Variants in RANBP2 observed in about 807,000 individuals in gnomAD.
RANBP2 encodes E3 SUMO-protein ligase RanBP2.
In RANBP2, 57 loss-of-function variants were observed where a neutral mutation model predicts 303.6. That is an observed-to-expected ratio of 0.19 (90% CI 0.15 to 0.23). The LOEUF (loss-of-function observed/expected upper bound fraction) is 0.23, where lower values mean the gene tolerates loss of function less well. Among genes scored for constraint, RANBP2 ranks in the 10% least tolerant of loss-of-function variants. RANBP2 has a pLI of 1.00. For synonymous variants in RANBP2, 1,167 were observed against 1,301.5 expected (o/e 0.90, Z 2.23); for missense variants, 3,138 against 3,780.8 (o/e 0.83, Z 4.46).
chr2:109,319,031 G>A, the RANBP2 span, among the ~76,000 whole-genome samples: 1,274 of 152,332 alleles, frequency 8.4e-3, 15 homozygotes, highest in East Asian at 0.044. Context: ...TGGGAAAGGA[G>A]TGGCTCTCCA....
the RANBP2 span, among the ~76,000 whole-genome samples, chr2:109,647,071 A>G: frequency 6.6e-6 from 1 of 150,482 alleles, no homozygotes; most frequent in Non-Finnish European, 1.5e-5. Flanking sequence ...TCCACAGGGC[A>G]GGGTGCTGGG....
At chr2:109,799,189 A>T in the RANBP2 span, among the ~76,000 whole-genome samples, 1 of 93,482 alleles carries the variant, frequency 1.1e-5, no homozygotes, top group Non-Finnish European at 2.0e-5. Flanking sequence ...CAGTGAGCTG[A>T]GATCGAGCCA....
the RANBP2 span, among the ~76,000 whole-genome samples, chr2:109,658,803 A>C: frequency 6.6e-6 from 1 of 152,092 alleles, no homozygotes; most frequent in Non-Finnish European, 1.5e-5. Context: ...ACGGTGGCTC[A>C]CACCTGTAAT....
At chr2:108,940,284 C>T in the RANBP2 span, 1 of 152,378 alleles carries the variant, frequency 6.6e-6, no homozygotes, top group Admixed American at 6.5e-5. Flanking sequence ...AAGGTGCCCA[C>T]ATGGGTGGTG....
At chr2:109,552,994 A>G in the RANBP2 span, 3 of 1,445,916 alleles carry the variant, frequency 2.1e-6, no homozygotes, top group Admixed American at 2.0e-5. Context: ...AGTAGCCTAC[A>G]AAAGAGTCTC....
chr2:108,876,080 T>G, the RANBP2 span: 1 of 1,553,026 alleles, frequency 6.4e-7, no homozygotes. Context: ...TATTCATTTT[T>G]TTTACAGGAG....
the RANBP2 span, among the ~76,000 whole-genome samples, chr2:109,436,078 G>A: frequency 1.3e-5 from 2 of 152,238 alleles, no homozygotes; most frequent in East Asian, 1.9e-4. Flanking sequence ...CACAGGAGAC[G>A]GGGCAGGCAG....
At chr2:108,753,704 C>T in intron 14 of RANBP2, 121 bp from the exon 15 acceptor site, 11 of 1,578,320 alleles carry the variant, frequency 7.0e-6, no homozygotes, top group Non-Finnish European at 9.5e-6. Flanking sequence ...CAGGCTCAAG[C>T]GATTCTTGTG....
At chr2:109,565,781 G>C in the RANBP2 span, 2 of 1,613,734 alleles carry the variant, frequency 1.2e-6, no homozygotes, top group Non-Finnish European at 1.7e-6. Context: ...ACACCCCAAG[G>C]GTACTGGCGA....
At chr2:109,609,168 A>G in the RANBP2 span, among the ~76,000 whole-genome samples, 2 of 152,246 alleles carry the variant, frequency 1.3e-5, no homozygotes, top group Non-Finnish European at 2.9e-5. Context: ...GTGGGGCTTC[A>G]TTAGAACATA....
chr2:109,208,068 C>T, the RANBP2 span, among the ~76,000 whole-genome samples: 14 of 152,094 alleles, frequency 9.2e-5, no homozygotes, highest in Admixed American at 2.0e-4. Context: ...CAAATATTTA[C>T]GGAATGCCTG....
the RANBP2 span, among the ~76,000 whole-genome samples, chr2:109,584,844 C>T: frequency 3.5e-3 from 535 of 152,176 alleles, 5 homozygotes; most frequent in African/African-American, 0.012. Flanking sequence ...AATTAATATA[C>T]ACTGAATTTG....
At chr2:109,150,673 T>A in the RANBP2 span, among the ~76,000 whole-genome samples, 13 of 152,062 alleles carry the variant, frequency 8.5e-5, no homozygotes, top group Non-Finnish European at 1.8e-4. Flanking sequence ...CTGGTTCCAG[T>A]CTGGCTCTAC....
the RANBP2 span, among the ~76,000 whole-genome samples, chr2:108,853,806 A>T: frequency 7.1e-6 from 1 of 141,466 alleles, no homozygotes; most frequent in African/African-American, 2.6e-5. Context: ...AGTTACAGGC[A>T]CCAGCCATCC....
chr2:108,805,023 A>G, the RANBP2 span: 1 of 1,396,026 alleles, frequency 7.2e-7, no homozygotes, highest in Non-Finnish European at 9.7e-7. Flanking sequence ...GACCTGTTTT[A>G]ATATATACTG....
At chr2:108,846,780 A>AT in the RANBP2 span, 1 of 1,612,966 alleles carries the variant, frequency 6.2e-7, no homozygotes, top group Non-Finnish European at 8.5e-7. Context: ...GGGTGAAGAC[A>AT]TTTTTAAAGG....
the RANBP2 span, among the ~76,000 whole-genome samples, chr2:109,660,285 C>T: frequency 6.6e-6 from 1 of 152,136 alleles, no homozygotes; most frequent in Non-Finnish European, 1.5e-5. Context: ...TGATTGTAGG[C>T]CAAGTCTTCA....
At chr2:109,760,673 G>GGCGGCGGCGGCGGTA in the RANBP2 span, among the ~76,000 whole-genome samples, 1 of 145,266 alleles carries the variant, frequency 6.9e-6, no homozygotes, top group East Asian at 2.2e-4. Context: ...CCCGAGCTTC[G>GGCGGCGGCGGCGGTA]GCGGCGGCGG....
At chr2:109,652,620 C>T in the RANBP2 span, among the ~76,000 whole-genome samples, 5 of 152,290 alleles carry the variant, frequency 3.3e-5, no homozygotes, top group East Asian at 7.7e-4. Context: ...TCCTCCTGCA[C>T]GTGCACAGCC....
Sources: allele counts gnomAD v4.1 joint callset (sites outside exome capture counted in the v4.1 genomes callset), GRCh38; gene constraint gnomAD v4.1.1; transcripts MANE v1.5; gene names NCBI Gene and HGNC (gene_info 2026-07-23, HGNC 2026-07-21).